Variants in PAX3 observed in about 807,000 individuals in gnomAD.
PAX3 encodes paired box 3.
A neutral mutation model predicts 51.6 loss-of-function variants in PAX3; 14 were observed. That is an observed-to-expected ratio of 0.27 (90% CI 0.18 to 0.42). The LOEUF (loss-of-function observed/expected upper bound fraction) is 0.42, where lower values mean the gene tolerates loss of function less well. Ranked by LOEUF, PAX3 falls within the 10% of genes least tolerant of loss-of-function variation. The pLI is 1.00. For missense variants in PAX3, 540 were observed against 642.8 expected, an observed-to-expected ratio of 0.84 and a Z score of 1.73; for synonymous variants, 280 against 253.4, an observed-to-expected ratio of 1.11 and a Z score of -1.00.
At chr2:222,270,632 A>T (rs968991706) in intron 4 of PAX3, among the ~76,000 whole-genome samples, 1 of 152,188 alleles carries the variant, frequency 6.6e-6, no homozygotes, top group Non-Finnish European at 1.5e-5. Flanking sequence ...AATGTCAGAG[A>T]GCCAGCCAAT....
chr2:222,229,600 T>A (rs1248773551), intron 5 of PAX3, among the ~76,000 whole-genome samples: 1 of 152,008 alleles, frequency 6.6e-6, no homozygotes, highest in Non-Finnish European at 1.5e-5. Flanking sequence ...TAGCCCCCAC[T>A]CCCTGTCACA....
At chr2:222,295,810 C>T (rs1041958757) in intron 2 of PAX3, among the ~76,000 whole-genome samples, 153 bp from the exon 3 acceptor site, 1 of 152,194 alleles carries the variant, frequency 6.6e-6, no homozygotes, top group African/African-American at 2.4e-5. Flanking sequence ...CTCTGAGGCA[C>T]TTTAGAAAGG....
intron 4 of PAX3, among the ~76,000 whole-genome samples, chr2:222,261,199 T>C (rs1310852416): frequency 2.0e-5 from 3 of 152,212 alleles, no homozygotes; most frequent in Non-Finnish European, 2.9e-5. Context: ...ATGCACGCAG[T>C]GGACTGCCAG....
intron 3 of PAX3, among the ~76,000 whole-genome samples, chr2:222,294,772 C>G (rs1240113917): frequency 8.1e-6 from 1 of 123,078 alleles, no homozygotes; most frequent in Non-Finnish European, 1.7e-5. Flanking sequence ...CCCCCCACCC[C>G]CCCGTAAATC....
chr2:222,295,807 G>A, intron 2 of PAX3, 150 bp from the exon 3 acceptor site: 1 of 894,746 alleles, frequency 1.1e-6, no homozygotes, highest in African/African-American at 1.6e-5. Flanking sequence ...ACTCTCTGAG[G>A]CACTTTAGAA....
intron 7 of PAX3, among the ~76,000 whole-genome samples, chr2:222,202,812 C>T (rs45513491): frequency 0.012 from 1,759 of 150,706 alleles, 32 homozygotes; most frequent in African/African-American, 0.039. Flanking sequence ...TTTACCCCTC[C>T]CACTGTATAT....
chr2:222,262,468 T>C (rs1206013697), intron 4 of PAX3: 1 of 152,164 alleles, frequency 6.6e-6, no homozygotes, highest in African/African-American at 2.4e-5. Context: ...TAAAATGACA[T>C]CCTCAGTTTG....
intron 1 of PAX3, 129 bp downstream of exon 1, chr2:222,298,402 T>C (rs1022993475): frequency 5.5e-6 from 4 of 725,556 alleles, no homozygotes; most frequent in South Asian, 3.1e-5. Context: ...CTGGTGCTTC[T>C]TGGGGTGTGG....
chr2:222,297,352 A>G, intron 1 of PAX3, 139 bp from the exon 2 acceptor site: 2 of 717,496 alleles, frequency 2.8e-6, no homozygotes, highest in Non-Finnish European at 5.1e-6. Context: ...TCGACATCGG[A>G]CTCCCAGACC....
intron 1 of PAX3, among the ~76,000 whole-genome samples, chr2:222,297,415 T>C (rs890961948): frequency 6.6e-6 from 1 of 152,246 alleles, no homozygotes; most frequent in Admixed American, 6.5e-5. Context: ...ATAGCGCATG[T>C]AATCTTGTGT....
At chr2:222,216,703 C>G (rs1006744375) in intron 7 of PAX3, among the ~76,000 whole-genome samples, 2 of 148,168 alleles carry the variant, frequency 1.3e-5, no homozygotes, top group Non-Finnish European at 3.0e-5. Flanking sequence ...TACACATACA[C>G]AAACACACAC....
chr2:222,279,295 A>G (rs1468061303), intron 4 of PAX3, among the ~76,000 whole-genome samples: 6 of 112,956 alleles, frequency 5.3e-5, no homozygotes, highest in African/African-American at 1.8e-4. Context: ...AGCTGAGTGC[A>G]AGCCTGTGCG....
chr2:222,285,551 T>C (rs1195030103), intron 4 of PAX3, among the ~76,000 whole-genome samples: 2 of 152,240 alleles, frequency 1.3e-5, no homozygotes, highest in African/African-American at 4.8e-5. Flanking sequence ...AAAATAAAAA[T>C]GTAGACTTTC....
intron 4 of PAX3, among the ~76,000 whole-genome samples, chr2:222,261,295 T>G (rs1396981563): frequency 6.6e-6 from 1 of 152,214 alleles, no homozygotes; most frequent in Non-Finnish European, 1.5e-5. Context: ...GAGGCTCACT[T>G]GCTGAATCCT....
chr2:222,209,417 G>A (rs1028943311), intron 7 of PAX3, among the ~76,000 whole-genome samples: 1 of 152,068 alleles, frequency 6.6e-6, no homozygotes, highest in Non-Finnish European at 1.5e-5. Context: ...TGATACTGAT[G>A]AGTAAATGTC....
At chr2:222,219,465 T>C (rs1308371358) in intron 7 of PAX3, among the ~76,000 whole-genome samples, 1 of 152,172 alleles carries the variant, frequency 6.6e-6, no homozygotes, top group Non-Finnish European at 1.5e-5. Flanking sequence ...TAACCAACCC[T>C]CTCACATGCA....
intron 7 of PAX3, among the ~76,000 whole-genome samples, chr2:222,207,371 G>A (rs1439880895): frequency 1.3e-5 from 2 of 152,220 alleles, no homozygotes; most frequent in Non-Finnish European, 1.5e-5. Context: ...TTGCCTGAAG[G>A]CAGAAGTTTC....
At chr2:222,293,566 T>G (rs1695125672) in intron 4 of PAX3, 2 of 1,533,394 alleles carry the variant, frequency 1.3e-6, no homozygotes, top group Non-Finnish European at 9.0e-7. Context: ...TGGGTTCCTT[T>G]CAATTCCCAG....
At chr2:222,277,932 CAA>C (rs745911501) in intron 4 of PAX3, among the ~76,000 whole-genome samples, 17 of 90,578 alleles carry the variant, frequency 1.9e-4, no homozygotes, top group Admixed American at 6.4e-4. Context: ...GACTCCATCT[CAA>C]AAAAAAAAAA....
Sources: gnomAD v4.1 joint callset for allele counts (sites outside exome capture counted in the v4.1 genomes callset) on GRCh38, gnomAD v4.1.1 for gene constraint, MANE v1.5 for transcripts, NCBI Gene and HGNC (gene_info 2026-07-23, HGNC 2026-07-21) for gene names.